Variants in MYOM2 observed in about 807,000 individuals in gnomAD.
MYOM2 encodes the protein myomesin-2.
MYOM2 carries 254 observed loss-of-function variants against 187.6 expected under a neutral mutation model. The observed-to-expected ratio is 1.35, with a 90% CI of 1.22 to 1.50. The LOEUF (loss-of-function observed/expected upper bound fraction) is 1.50. Among genes scored for constraint, MYOM2 ranks in the 40% most tolerant of loss-of-function variants. The pLI is 0.00. For synonymous variants in MYOM2, 981 were observed against 753.8 expected (o/e 1.30, Z -4.94); for missense variants, 2,796 against 1,924.0 (o/e 1.45, Z -8.48).
At chr8:2,060,674 G>A (rs373443038) in intron 6 of MYOM2, among the ~76,000 whole-genome samples, 20 of 152,326 alleles carry the variant, frequency 1.3e-4, no homozygotes, top group African/African-American at 4.3e-4. Flanking sequence ...TCAGGAGGGT[G>A]AACACAAATG....
intron 14 of MYOM2, among the ~76,000 whole-genome samples, chr8:2,086,470 A>AGTCGTGATCTCTGCGTGGCTTCC (rs1796070390): frequency 1.0e-5 from 1 of 96,376 alleles, no homozygotes; most frequent in Non-Finnish European, 2.0e-5. Context: ...ACGTGGCCAC[A>AGTCGTGATCTCTGCGTGGCTTCC]CACTGTCATG....
chr8:2,059,606 T>C (rs989391665), intron 6 of MYOM2, among the ~76,000 whole-genome samples: 1 of 152,168 alleles, frequency 6.6e-6, no homozygotes, highest in Non-Finnish European at 1.5e-5. Context: ...TAACCTTTAT[T>C]TTCTTTTATA....
At chr8:2,130,790 G>C (rs1797837682) in intron 32 of MYOM2, among the ~76,000 whole-genome samples, 1 of 152,158 alleles carries the variant, frequency 6.6e-6, no homozygotes, top group Non-Finnish European at 1.5e-5. Context: ...GTGATAACAG[G>C]AGCTTACAGG....
chr8:2,066,686 C>T (rs193112205), intron 6 of MYOM2, among the ~76,000 whole-genome samples: 47 of 152,318 alleles, frequency 3.1e-4, no homozygotes, highest in African/African-American at 1.0e-3. Flanking sequence ...CAGCACAATG[C>T]GCTCCCTGTG....
intron 25 of MYOM2, among the ~76,000 whole-genome samples, chr8:2,112,480 A>C (rs976518771): frequency 6.6e-6 from 1 of 152,116 alleles, no homozygotes; most frequent in African/African-American, 2.4e-5. Flanking sequence ...ATGATCAGGG[A>C]ATAGCGACAC....
intron 28 of MYOM2, among the ~76,000 whole-genome samples, chr8:2,120,005 G>C (rs911005302): frequency 1.3e-5 from 2 of 152,196 alleles, no homozygotes; most frequent in Non-Finnish European, 2.9e-5. Flanking sequence ...GCCCACAGTG[G>C]GGGGAGTGGC....
At chr8:2,077,804 T>TG (rs1361358819) in intron 11 of MYOM2, among the ~76,000 whole-genome samples, 1 of 152,168 alleles carries the variant, frequency 6.6e-6, no homozygotes, top group Non-Finnish European at 1.5e-5. Context: ...CATTTGGAAG[T>TG]GGGGGGTGCA....
Position 2,100,097 on chromosome 8 carries a change from C to CT in MYOM2, c.2441-777dup, listed in dbSNP as rs1427725560. Among the ~76,000 whole-genome samples, 164 of 89,626 alleles carry CT rather than the reference C, an allele frequency of 1.8e-3. 3 individuals are homozygous for CT. The highest frequency in any genetic ancestry group is 6.9e-3 in the Middle Eastern group (1 of 144). The allele number at this position is 89,626 out of a possible 152,430, so 58.8% of individuals were successfully genotyped here. A position where few individuals can be genotyped will look rare whatever the true frequency, so the allele number is the denominator to read the frequency against. ...CCTTCCTTTCTTCTTTCCTTCCTTCCTTCCTTCCTTCTTTCTTTCCTTCCT... is the reference window on the plus strand; with the variant it reads ...CCTTCCTTTCTTCTTTCCTTCCTTCCTTTCCTTCCTTCTTTCTTTCCTTCCT... On this transcript the variant is annotated intron_variant, in intron 19 of 36. Coordinates refer to ENST00000262113, the MANE Select transcript of MYOM2 (RefSeq NM_003970.4).
chr8:2,083,119 A>G (rs187261658), intron 13 of MYOM2, among the ~76,000 whole-genome samples: 10 of 152,360 alleles, frequency 6.6e-5, no homozygotes, highest in Admixed American at 5.9e-4. Flanking sequence ...AGCATTTTAA[A>G]ACAATCATAT....
intron 6 of MYOM2, among the ~76,000 whole-genome samples, chr8:2,061,757 C>G (rs1338127456): frequency 1.4e-4 from 22 of 152,214 alleles, no homozygotes; most frequent in Admixed American, 1.4e-3. Flanking sequence ...GGCATCCTAC[C>G]TCATTTCTCC....
chr8:2,101,540 G>T (rs1422951000), intron 20 of MYOM2, among the ~76,000 whole-genome samples: 1 of 152,176 alleles, frequency 6.6e-6, no homozygotes, highest in East Asian at 1.9e-4. Context: ...CATGCGCGTT[G>T]TGGGGCCCAG....
intron 36 of MYOM2, among the ~76,000 whole-genome samples, chr8:2,144,133 A>G (rs555145486): frequency 2.6e-5 from 4 of 151,836 alleles, no homozygotes; most frequent in Admixed American, 2.6e-4. Flanking sequence ...AGCTCTTGAG[A>G]TCTCATCTTA....
chr8:2,055,533 C>T (rs1013049187), intron 3 of MYOM2, among the ~76,000 whole-genome samples: 11 of 152,084 alleles, frequency 7.2e-5, no homozygotes, highest in Non-Finnish European at 1.3e-4. Context: ...CAGGGAGGTG[C>T]GAGGTGAGGT....
intron 21 of MYOM2, among the ~76,000 whole-genome samples, chr8:2,103,318 G>A (rs566757448): frequency 6.7e-4 from 102 of 151,352 alleles, no homozygotes; most frequent in Admixed American, 1.2e-3. Context: ...TAAATGAGTG[G>A]GAGAGTGTAC....
intron 28 of MYOM2, among the ~76,000 whole-genome samples, chr8:2,118,507 T>C (rs1797321062): frequency 6.6e-6 from 1 of 152,204 alleles, no homozygotes; most frequent in Admixed American, 6.5e-5. Flanking sequence ...TAGTTTCTTA[T>C]TGTCTACTGG....
rs1266574442 is a variant in MYOM2, at chr8:2,069,490, G to A, written c.786G>A (p.Pro262=). The change falls in exon 8 of 37, where the codon CCG becomes CCA. Residue 262 remains proline, a synonymous_variant. Coordinates refer to ENST00000262113, the MANE Select transcript of MYOM2 (RefSeq NM_003970.4). ...AACCATTCCGTTCGGTGGGACTCCC[G>A]ATTGGATGTAAGTGGGTTTTTGTTT... is the stretch of plus-strand genomic sequence containing the variant. ...DEEPFRSVGL[P]IGLPLSSMIP... The A allele has an allele frequency of 2.5e-6, 4 of 1,614,064 alleles. No individual in the cohort carries two copies. The highest frequency in any genetic ancestry group is 1.1e-5 in the South Asian group (1 of 91,082).
intron 17 of MYOM2, among the ~76,000 whole-genome samples, chr8:2,094,481 G>A (rs1472759472): frequency 3.9e-5 from 6 of 152,038 alleles, no homozygotes; most frequent in East Asian, 1.9e-4. Context: ...GTGAAACCCC[G>A]TCTCTACTGA....
intron 8 of MYOM2, among the ~76,000 whole-genome samples, chr8:2,070,148 G>C (rs1051361257): frequency 6.6e-6 from 1 of 152,244 alleles, no homozygotes; most frequent in African/African-American, 2.4e-5. Flanking sequence ...AGGGCATCTG[G>C]AGGACGGGGA....
chr8:2,123,200 T>C, intron 28 of MYOM2, 52 bp from the exon 29 acceptor site: 10 of 1,237,334 alleles, frequency 8.1e-6, no homozygotes, highest in Middle Eastern at 3.9e-4. Flanking sequence ...ACTTTCTTTT[T>C]CTCATGAGTC....
Sources: allele counts gnomAD v4.1 joint callset (sites outside exome capture counted in the v4.1 genomes callset), GRCh38; gene constraint gnomAD v4.1.1; transcripts MANE v1.5; gene names NCBI Gene and HGNC (gene_info 2026-07-23, HGNC 2026-07-21).